The following BTG4 variants were observed in gnomAD, a reference collection of about 807,000 sequenced individuals.
BTG4 encodes the protein protein BTG4.
In BTG4, 10 loss-of-function variants were observed where a neutral mutation model predicts 19.3. That is an observed-to-expected ratio of 0.52 (90% CI 0.32 to 0.88). BTG4 has a LOEUF of 0.88. Among genes scored for constraint, BTG4 ranks in the 40% least tolerant of loss-of-function variants. BTG4 has a pLI of 0.04. For missense variants in BTG4, 238 were observed against 281.9 expected (o/e 0.84, Z 1.11); for synonymous variants, 91 against 95.7 (o/e 0.95, Z 0.29).
the BTG4 span, among the ~76,000 whole-genome samples, chr11:111,388,649 T>C: frequency 6.6e-6 from 1 of 152,168 alleles, no homozygotes; most frequent in African/African-American, 2.4e-5. Flanking sequence ...TCCCAAGGAA[T>C]AGTGATCCAG....
the BTG4 span, among the ~76,000 whole-genome samples, chr11:111,444,460 G>A: frequency 6.6e-6 from 1 of 152,078 alleles, no homozygotes; most frequent in African/African-American, 2.4e-5. Flanking sequence ...GAAGAGTAGT[G>A]GGGGGCTGGG....
intron 1 of BTG4, among the ~76,000 whole-genome samples, chr11:111,508,340 GA>G (rs1010067132): frequency 6.8e-6 from 1 of 147,606 alleles, no homozygotes; most frequent in African/African-American, 2.5e-5. Context: ...TCCTTGAGCA[GA>G]ATAATGAAAT....
the BTG4 span, among the ~76,000 whole-genome samples, chr11:111,398,430 G>T: frequency 1.3e-5 from 2 of 152,078 alleles, no homozygotes; most frequent in African/African-American, 2.4e-5. Flanking sequence ...AGGAGGTCTC[G>T]TTCAGGCTGA....
intron 1 of BTG4, among the ~76,000 whole-genome samples, chr11:111,503,529 C>A (rs2135712326): frequency 6.6e-6 from 1 of 152,206 alleles, no homozygotes; most frequent in South Asian, 2.1e-4. Flanking sequence ...TCAAGGATAT[C>A]TTTTTGAAAA....
At chr11:111,387,407 A>T in the BTG4 span, among the ~76,000 whole-genome samples, 3 of 152,206 alleles carry the variant, frequency 2.0e-5, no homozygotes, top group Non-Finnish European at 4.4e-5. Context: ...AGACATTGTG[A>T]CTAGGCACAA....
the BTG4 span, among the ~76,000 whole-genome samples, chr11:111,392,894 A>G: frequency 6.6e-6 from 1 of 152,196 alleles, no homozygotes; most frequent in Non-Finnish European, 1.5e-5. Context: ...GGATGTGTGT[A>G]AAACAGTACA....
At chr11:111,488,270 A>G (rs993969363) in intron 5 of BTG4, among the ~76,000 whole-genome samples, 2 of 152,200 alleles carry the variant, frequency 1.3e-5, no homozygotes, top group Admixed American at 1.3e-4. Flanking sequence ...TGACCAACGG[A>G]ACAGAATAGA....
chr11:111,431,840 C>T, the BTG4 span, among the ~76,000 whole-genome samples: 1 of 152,146 alleles, frequency 6.6e-6, no homozygotes, highest in Admixed American at 6.5e-5. Context: ...ACTTGCAGAG[C>T]TGGGGACACA....
At chr11:111,471,424 A>C (rs1310258971) in intron 5 of BTG4, among the ~76,000 whole-genome samples, 3 of 152,074 alleles carry the variant, frequency 2.0e-5, no homozygotes, top group Non-Finnish European at 4.4e-5. Context: ...AGAACAGTCC[A>C]TTTTCTGTGC....
At chr11:111,460,435 G>C in the BTG4 span, 1 of 152,494 alleles carries the variant, frequency 6.6e-6, no homozygotes, top group Non-Finnish European at 1.5e-5. Flanking sequence ...TACATATTGA[G>C]AGCTGTGTTC....
the BTG4 span, among the ~76,000 whole-genome samples, chr11:111,384,340 T>C: frequency 6.6e-6 from 1 of 152,196 alleles, no homozygotes; most frequent in South Asian, 2.1e-4. Flanking sequence ...GAAAAATCTT[T>C]GAAAGGCCTC....
upstream of BTG4, among the ~76,000 whole-genome samples, chr11:111,512,728 G>A (rs1392659487): frequency 6.6e-6 from 1 of 152,098 alleles, no homozygotes; most frequent in Non-Finnish European, 1.5e-5. Flanking sequence ...GGGAGGGCGC[G>A]GGTCCTCCCC....
At chr11:111,485,192 A>G (rs1384522373) in intron 5 of BTG4, among the ~76,000 whole-genome samples, 2 of 152,266 alleles carry the variant, frequency 1.3e-5, no homozygotes, top group Admixed American at 1.3e-4. Context: ...TCAGTATTGG[A>G]CAGATGACCC....
chr11:111,473,902 A>G (rs1016865441), intron 5 of BTG4, among the ~76,000 whole-genome samples: 4 of 152,186 alleles, frequency 2.6e-5, no homozygotes, highest in African/African-American at 9.6e-5. Context: ...AAAGATACCA[A>G]CTGCTGTTTT....
the BTG4 span, among the ~76,000 whole-genome samples, chr11:111,387,396 T>C: frequency 1.3e-5 from 2 of 152,184 alleles, no homozygotes; most frequent in Non-Finnish European, 2.9e-5. Flanking sequence ...CTTCAATAAT[T>C]AGACATTGTG....
intron 5 of BTG4, among the ~76,000 whole-genome samples, chr11:111,469,011 T>C (rs1024487188): frequency 1.3e-5 from 2 of 152,198 alleles, no homozygotes; most frequent in Non-Finnish European, 2.9e-5. Context: ...GTGGAGCAAA[T>C]GACTTATTCA....
At chr11:111,487,121 G>A (rs534146390) in intron 5 of BTG4, among the ~76,000 whole-genome samples, 35 of 152,234 alleles carry the variant, frequency 2.3e-4, no homozygotes, top group Non-Finnish European at 4.4e-4. Context: ...ATGGCTTCCA[G>A]CTCTATCCAT....
At chr11:111,404,025 C>G in the BTG4 span, among the ~76,000 whole-genome samples, 1 of 152,120 alleles carries the variant, frequency 6.6e-6, no homozygotes. Flanking sequence ...CCTGAATTCC[C>G]ATGTCTTGTG....
At chr11:111,437,082 C>A in the BTG4 span, among the ~76,000 whole-genome samples, 1 of 152,154 alleles carries the variant, frequency 6.6e-6, no homozygotes, top group African/African-American at 2.4e-5. Context: ...ACTCCCTCAT[C>A]ATCTGGAACT....
Sources: gnomAD v4.1 joint callset for allele counts (sites outside exome capture counted in the v4.1 genomes callset) on GRCh38, gnomAD v4.1.1 for gene constraint, MANE v1.5 for transcripts, NCBI Gene and HGNC (gene_info 2026-07-23, HGNC 2026-07-21) for gene names.